The following KCNIP4 variants were observed in gnomAD, a reference collection of about 807,000 sequenced individuals.
KCNIP4 encodes Kv channel-interacting protein 4.
In KCNIP4, 12 loss-of-function variants were observed where a neutral mutation model predicts 34.0. That is an observed-to-expected ratio of 0.35 (90% CI 0.23 to 0.57). KCNIP4 has a LOEUF of 0.57. KCNIP4 is among the 20% of genes least tolerant of loss of function. The pLI is 0.83. For synonymous variants in KCNIP4, 124 were observed against 102.2 expected, an observed-to-expected ratio of 1.21 and a Z score of -1.29; for missense variants, 238 against 311.7, an observed-to-expected ratio of 0.76 and a Z score of 1.78.
rs558385333 is a variant in KCNIP4, at chr4:21,485,254, T to A, written c.61+463317A>T. ...GTTATGTAATTATACCACTCTTTTTTAAAAAAATTATTAAATGCTAACACT... is the reference window on the plus strand; with the variant it reads ...GTTATGTAATTATACCACTCTTTTTAAAAAAAATTATTAAATGCTAACACT... On this transcript the variant is annotated intron_variant, in intron 1 of 8. Coordinates refer to ENST00000382152, the MANE Select transcript of KCNIP4 (RefSeq NM_025221.6). Among the ~76,000 whole-genome samples, 23 of 152,268 alleles carry A rather than the reference T, an allele frequency of 1.5e-4. No individual in the cohort carries two copies. The South Asian group carries it at 4.1e-3, about 27-fold the overall frequency.
intron 1 of KCNIP4, among the ~76,000 whole-genome samples, chr4:21,917,179 G>A (rs536312723): frequency 3.5e-4 from 53 of 152,232 alleles, no homozygotes; most frequent in African/African-American, 1.1e-3. Context: ...CTGTCGCCCA[G>A]GCTGGAGTGC....
chr4:21,268,837 G>A (rs901468134), intron 1 of KCNIP4, among the ~76,000 whole-genome samples: 4 of 152,224 alleles, frequency 2.6e-5, no homozygotes, highest in African/African-American at 9.7e-5. Context: ...AAACTTCCTG[G>A]GCAAAACTAT....
Position 20,923,272 on chromosome 4 carries a change from T to A in KCNIP4, c.62-40563A>T, listed in dbSNP as rs529184277. Among the ~76,000 whole-genome samples the A allele has an allele frequency of 1.8e-4, 28 of 152,318 alleles. No homozygotes were observed. In the South Asian group the frequency reaches 2.9e-3, roughly 16 times the overall value. ...CACACCTGGCACTGAGCTAACACCA[T>A]AAGCAGGCTAGCTACATGATGATAT... On this transcript the variant is annotated intron_variant, in intron 1 of 8. Transcript: ENST00000382152.
intron 1 of KCNIP4, among the ~76,000 whole-genome samples, chr4:21,255,797 C>T (rs772225539): frequency 9.9e-5 from 15 of 152,260 alleles, no homozygotes; most frequent in East Asian, 5.8e-4. Context: ...ATGACATTGA[C>T]GCGGTCCCCA....
intron 1 of KCNIP4, among the ~76,000 whole-genome samples, chr4:21,231,051 A>T (rs144864528): frequency 6.6e-6 from 1 of 152,282 alleles, no homozygotes; most frequent in Non-Finnish European, 1.5e-5. Flanking sequence ...GGAATTTGTT[A>T]CAGCAGTCCT....
chr4:21,556,386 T>C (rs1309407490), intron 1 of KCNIP4, among the ~76,000 whole-genome samples: 2 of 152,138 alleles, frequency 1.3e-5, no homozygotes, highest in Admixed American at 1.3e-4. Flanking sequence ...ATTCCCACAG[T>C]TGATTACTTT....
At chr4:21,077,372 T>C (rs546548153) in intron 1 of KCNIP4, among the ~76,000 whole-genome samples, 12 of 152,148 alleles carry the variant, frequency 7.9e-5, no homozygotes, top group Non-Finnish European at 1.5e-4. Flanking sequence ...AAAAATCATG[T>C]AGTCTTGCCT....
At chr4:21,510,032 G>A (rs1269592231) in intron 1 of KCNIP4, among the ~76,000 whole-genome samples, 4 of 130,646 alleles carry the variant, frequency 3.1e-5, no homozygotes, top group African/African-American at 1.2e-4. Flanking sequence ...AGCCGAGATC[G>A]CACCATTGCA....
chr4:21,683,525 G>C (rs1232913965), intron 1 of KCNIP4, among the ~76,000 whole-genome samples: 1 of 121,288 alleles, frequency 8.2e-6, no homozygotes, highest in East Asian at 2.4e-4. Flanking sequence ...CTGGAGTGCA[G>C]TGGCATGGTC....
intron 1 of KCNIP4, among the ~76,000 whole-genome samples, chr4:21,811,027 A>G (rs1355756958): frequency 6.6e-6 from 1 of 152,222 alleles, no homozygotes; most frequent in Admixed American, 6.5e-5. Flanking sequence ...TACTCTTACT[A>G]TAAGGGACAG....
rs79860569 is a variant in KCNIP4, at chr4:21,901,715, C to T, written c.61+46856G>A. 1.5e-3 allele frequency among the ~76,000 whole-genome samples: 223 copies of T among 152,244 alleles called. 1 individual carries two copies. Among genetic ancestry groups the T allele is most frequent in the Middle Eastern group, 0.01 (3 of 294 alleles). On this transcript the variant is annotated intron_variant, in intron 1 of 8. Coordinates refer to ENST00000382152, the MANE Select transcript of KCNIP4 (RefSeq NM_025221.6). ...ACTGCTATGATGAAATCTATTACTACGCATTCTTTAATATTGCAAACTAGA... is the reference window on the plus strand; with the variant it reads ...ACTGCTATGATGAAATCTATTACTATGCATTCTTTAATATTGCAAACTAGA...
chr4:21,639,212 CCAATCAAATGAAGGCAGCA>C (rs1206974540), intron 1 of KCNIP4, among the ~76,000 whole-genome samples: 1 of 151,976 alleles, frequency 6.6e-6, no homozygotes, highest in Non-Finnish European at 1.5e-5. Context: ...TCTTATGCTG[CCAATCAAATGAAGGCAGCA>C]GGAAATGCAA....
At chr4:21,431,500 C>T (rs1726444312) in intron 1 of KCNIP4, among the ~76,000 whole-genome samples, 3 of 151,992 alleles carry the variant, frequency 2.0e-5, no homozygotes, top group Non-Finnish European at 4.4e-5. Flanking sequence ...TAGCAAAAGA[C>T]ATTCATAAAT....
At chr4:21,931,913 T>C (rs1452426491) in intron 1 of KCNIP4, among the ~76,000 whole-genome samples, 1 of 152,132 alleles carries the variant, frequency 6.6e-6, no homozygotes, top group Non-Finnish European at 1.5e-5. Flanking sequence ...AAAGTGTTCC[T>C]ATTTCTCCAC....
intron 1 of KCNIP4, among the ~76,000 whole-genome samples, chr4:21,073,509 T>A (rs1745174970): frequency 1.3e-5 from 2 of 152,238 alleles, no homozygotes; most frequent in South Asian, 4.1e-4. Context: ...TTTGCTGAAG[T>A]TGCTTATCAG....
chr4:21,038,012 C>A (rs1324887896), intron 1 of KCNIP4, among the ~76,000 whole-genome samples: 1 of 152,164 alleles, frequency 6.6e-6, no homozygotes, highest in Non-Finnish European at 1.5e-5. Context: ...GAGACGGAGT[C>A]TCGCTCTGTC....
At position 21,082,737 on chromosome 4, in the gene KCNIP4, G is replaced by A. The variant is rs145100674; in HGVS notation, c.62-200028C>T. Among the ~76,000 whole-genome samples, 343 of 151,950 alleles carry A rather than the reference G, an allele frequency of 2.3e-3. 4 individuals are homozygous for A. Among genetic ancestry groups the A allele is most frequent in the Non-Finnish European group, 4.2e-3 (288 of 67,982 alleles). On this transcript the variant is annotated intron_variant, in intron 1 of 8. Coordinates refer to ENST00000382152, the MANE Select transcript of KCNIP4 (RefSeq NM_025221.6). ...AACTAGAACTGAAGAAGCTGGCTCT[G>A]AATCTGATTTGCTCTCCTCCAAAAG...
intron 5 of KCNIP4, among the ~76,000 whole-genome samples, chr4:20,737,339 G>C (rs2149285628): frequency 6.6e-6 from 1 of 152,296 alleles, no homozygotes; most frequent in Non-Finnish European, 1.5e-5. Flanking sequence ...CAACATGGAG[G>C]TCACCAGCAA....
At chr4:20,946,311 T>C (rs1002024790) in intron 1 of KCNIP4, among the ~76,000 whole-genome samples, 1 of 152,100 alleles carries the variant, frequency 6.6e-6, no homozygotes, top group African/African-American at 2.4e-5. Flanking sequence ...GAAGAAGCCA[T>C]GTGTAGATAA....
Sources: allele counts gnomAD v4.1 joint callset (sites outside exome capture counted in the v4.1 genomes callset), GRCh38; gene constraint gnomAD v4.1.1; transcripts MANE v1.5; gene names NCBI Gene and HGNC (gene_info 2026-07-23, HGNC 2026-07-21).